TMEM150C: variants seen among roughly 807,000 people sequenced by gnomAD.
TMEM150C encodes the protein tentonin 3.
Under a neutral mutation model 29.9 loss-of-function variants are expected in TMEM150C, and 10 were observed. The observed-to-expected ratio is 0.33, with a 90% CI of 0.21 to 0.57. The LOEUF (loss-of-function observed/expected upper bound fraction) is 0.57. TMEM150C is among the 20% of genes least tolerant of loss of function. The probability of loss-of-function intolerance (pLI) is 0.88; values close to 1 mark genes in which losing one functional copy is unlikely to be tolerated. For missense variants in TMEM150C, 251 were observed against 303.6 expected (o/e 0.83, Z 1.29); for synonymous variants, 101 against 112.5 (o/e 0.90, Z 0.64).
chr4:82,497,117 T>C (rs1041429393), intron 5 of TMEM150C, among the ~76,000 whole-genome samples: 1 of 152,188 alleles, frequency 6.6e-6, no homozygotes, highest in Non-Finnish European at 1.5e-5. Context: ...AATAGTAACC[T>C]TGGGATAGTC....
At chr4:82,553,188 T>C (rs1286148981) in intron 1 of TMEM150C, among the ~76,000 whole-genome samples, 1 of 152,176 alleles carries the variant, frequency 6.6e-6, no homozygotes, top group South Asian at 2.1e-4. Context: ...TGTGTACCAA[T>C]TGGACTTTAT....
Position 82,533,108 on chromosome 4 carries a change from T to G in TMEM150C, c.-10-28441A>C, listed in dbSNP as rs1724900471. Among the ~76,000 whole-genome samples the G allele has an allele frequency of 2.0e-5, 3 of 152,222 alleles. No homozygotes were observed. In the South Asian group the frequency reaches 6.2e-4, roughly 32 times the overall value. ...TTTTGCTTCCATTTGCACATTTATTTCAATATTTATGAATCAATGTTGTTG... is the reference window on the plus strand; with the variant it reads ...TTTTGCTTCCATTTGCACATTTATTGCAATATTTATGAATCAATGTTGTTG... On this transcript the variant is annotated intron_variant, in intron 1 of 7. Transcript: ENST00000449862.
intron 5 of TMEM150C, 114 bp from the exon 6 acceptor site, chr4:82,496,309 G>T: frequency 9.2e-7 from 1 of 1,092,792 alleles, no homozygotes; most frequent in Non-Finnish European, 1.3e-6. Flanking sequence ...TAGGTAAGAG[G>T]CAGAATTCTA....
At chr4:82,540,447 T>C (rs1385252355) in intron 1 of TMEM150C, among the ~76,000 whole-genome samples, 2 of 152,006 alleles carry the variant, frequency 1.3e-5, no homozygotes, top group Non-Finnish European at 2.9e-5. Context: ...TTTCACTACC[T>C]GGGAAGCTTC....
rs1724324380 is a variant in TMEM150C at position 82,517,299 on chromosome 4, A to G, written c.-10-12632T>C. Among the ~76,000 whole-genome samples, 3 of 152,278 alleles carry G rather than the reference A, an allele frequency of 2.0e-5. 1 individual carries two copies. Among genetic ancestry groups the G allele is most frequent in the South Asian group, 4.1e-4 (2 of 4,830 alleles). On this transcript the variant is annotated intron_variant, in intron 1 of 7. Coordinates refer to ENST00000449862, the MANE Select transcript of TMEM150C (RefSeq NM_001080506.3). ...ATAAGAGTGTGTCCTCAGAAATAGG[A>G]GCAAAATCAGGAAGATCACTGTAAT... is the stretch of plus-strand genomic sequence containing the variant.
intron 1 of TMEM150C, among the ~76,000 whole-genome samples, chr4:82,558,374 G>A (rs1182223276): frequency 6.6e-6 from 1 of 152,162 alleles, no homozygotes; most frequent in African/African-American, 2.4e-5. Flanking sequence ...CTTTTGGACA[G>A]CACTGATCTA....
intron 1 of TMEM150C, among the ~76,000 whole-genome samples, chr4:82,541,960 C>G (rs1041736159): frequency 6.6e-6 from 1 of 152,042 alleles, no homozygotes; most frequent in South Asian, 2.1e-4. Flanking sequence ...ATACTTAATG[C>G]GCAGTAAGGT....
At chr4:82,556,950 ATAAT>A (rs1725755208) in intron 1 of TMEM150C, among the ~76,000 whole-genome samples, 1 of 152,176 alleles carries the variant, frequency 6.6e-6, no homozygotes, top group African/African-American at 2.4e-5. Context: ...AAATTTTTAA[ATAAT>A]TGATTGAGGA....
chr4:82,525,755 T>A (rs1724632129), intron 1 of TMEM150C, among the ~76,000 whole-genome samples: 1 of 152,134 alleles, frequency 6.6e-6, no homozygotes, highest in Non-Finnish European at 1.5e-5. Context: ...TATGATCACA[T>A]GCACACAGCC....
At chr4:82,528,749 C>T (rs1319316451) in intron 1 of TMEM150C, among the ~76,000 whole-genome samples, 1 of 151,936 alleles carries the variant, frequency 6.6e-6, no homozygotes, top group African/African-American at 2.4e-5. Flanking sequence ...CAGGTGTGCA[C>T]CAAGCCTAGC....
intron 5 of TMEM150C, among the ~76,000 whole-genome samples, chr4:82,499,347 T>C (rs1723654426): frequency 6.6e-6 from 1 of 152,214 alleles, no homozygotes; most frequent in Non-Finnish European, 1.5e-5. Context: ...TAAAAACTCA[T>C]CCTTCTGTGG....
At chr4:82,532,921 G>A (rs929976255) in intron 1 of TMEM150C, among the ~76,000 whole-genome samples, 1 of 151,928 alleles carries the variant, frequency 6.6e-6, no homozygotes, top group South Asian at 2.1e-4. Flanking sequence ...GTACAGACAG[G>A]GTTTCACTGT....
At chr4:82,517,143 G>C (rs1038748948) in intron 1 of TMEM150C, among the ~76,000 whole-genome samples, 1 of 152,194 alleles carries the variant, frequency 6.6e-6, no homozygotes, top group South Asian at 2.1e-4. Flanking sequence ...ACAGTACCCT[G>C]TACAAAAACC....
At chr4:82,552,191 A>C (rs1016062174) in intron 1 of TMEM150C, among the ~76,000 whole-genome samples, 1 of 152,194 alleles carries the variant, frequency 6.6e-6, no homozygotes, top group African/African-American at 2.4e-5. Flanking sequence ...TACAGCCTGC[A>C]AAACTAGGAG....
At chr4:82,513,770 C>G (rs1161007209) in intron 1 of TMEM150C, among the ~76,000 whole-genome samples, 1 of 152,182 alleles carries the variant, frequency 6.6e-6, no homozygotes, top group African/African-American at 2.4e-5. Context: ...TGCCTTCCCT[C>G]CCAACTCTAC....
chr4:82,556,806 A>G (rs982388952), intron 1 of TMEM150C, among the ~76,000 whole-genome samples: 12 of 152,378 alleles, frequency 7.9e-5, no homozygotes, highest in Admixed American at 6.5e-4. Flanking sequence ...TGGAGCATTT[A>G]TTCAAGCATC....
At chr4:82,491,325 TG>T in intron 6 of TMEM150C, 1 of 663,516 alleles carries the variant, frequency 1.5e-6, no homozygotes. Context: ...TCTGTACCTG[TG>T]GGCTAGCTTA....
chr4:82,513,991 T>A (rs1250207853), intron 1 of TMEM150C, among the ~76,000 whole-genome samples: 1 of 152,204 alleles, frequency 6.6e-6, no homozygotes, highest in African/African-American at 2.4e-5. Flanking sequence ...TGTTGCACTC[T>A]CAAACTTCCA....
intron 6 of TMEM150C, among the ~76,000 whole-genome samples, chr4:82,493,436 C>G (rs1190217559): frequency 1.3e-5 from 2 of 152,134 alleles, no homozygotes; most frequent in South Asian, 4.1e-4. Context: ...ATTGAAAAGT[C>G]TGTCTGCCGT....
Sources: allele counts gnomAD v4.1 joint callset (sites outside exome capture counted in the v4.1 genomes callset), GRCh38; gene constraint gnomAD v4.1.1; transcripts MANE v1.5; gene names NCBI Gene and HGNC (gene_info 2026-07-23, HGNC 2026-07-21).